The following ZAP70 variants were observed in gnomAD, a reference collection of about 807,000 sequenced individuals.
ZAP70 encodes the protein zeta chain of T cell receptor associated protein kinase 70, also known as tyrosine-protein kinase ZAP-70.
Under a neutral mutation model 65.8 loss-of-function variants are expected in ZAP70, and 27 were observed. That is an observed-to-expected ratio of 0.41 (90% CI 0.30 to 0.57). The LOEUF is 0.57. Ranked by LOEUF, ZAP70 falls within the 20% of genes least tolerant of loss-of-function variation. ZAP70 has a pLI of 0.28. For synonymous variants in ZAP70, 363 were observed against 360.8 expected (o/e 1.01, Z -0.07); for missense variants, 696 against 870.5 (o/e 0.80, Z 2.52).
At chr2:97,724,733 G>T in intron 3 of ZAP70, 3 of 1,507,776 alleles carry the variant, frequency 2.0e-6, no homozygotes, top group Non-Finnish European at 8.9e-7. Context: ...GAATGGGGGC[G>T]GGGCTGAGAG....
chr2:97,743,690 A>G (rs1278389397), downstream of ZAP70, among the ~76,000 whole-genome samples: 1 of 152,156 alleles, frequency 6.6e-6, no homozygotes, highest in Non-Finnish European at 1.5e-5. Flanking sequence ...AGTTTTTAAT[A>G]TATTTATTGC....
chr2:97,734,455 C>T (rs763568575), intron 8 of ZAP70, 65 bp from the exon 9 acceptor site: 9 of 1,530,800 alleles, frequency 5.9e-6, no homozygotes, highest in Non-Finnish European at 7.0e-6. Flanking sequence ...CTTGTGGGGG[C>T]TGAGGCTGCC....
the ZAP70 span, among the ~76,000 whole-genome samples, chr2:97,754,328 G>A: frequency 6.6e-6 from 1 of 152,296 alleles, no homozygotes; most frequent in South Asian, 2.1e-4. Flanking sequence ...TCAGGCGATT[G>A]TTCTGATGAA....
At chr2:97,741,333 C>T (rs562009550), downstream of ZAP70, among the ~76,000 whole-genome samples, 21 of 152,344 alleles carry the variant, frequency 1.4e-4, no homozygotes, top group African/African-American at 4.8e-4. Context: ...GTTTCCAGCG[C>T]CCACGCGGAC....
the ZAP70 span, among the ~76,000 whole-genome samples, chr2:97,752,689 T>C: frequency 6.6e-6 from 1 of 152,280 alleles, no homozygotes; most frequent in Non-Finnish European, 1.5e-5. Flanking sequence ...ATCCAACTTC[T>C]ACAGGCATTT....
intron 2 of ZAP70, among the ~76,000 whole-genome samples, chr2:97,718,005 G>T (rs1209734837): frequency 6.6e-6 from 1 of 152,244 alleles, no homozygotes; most frequent in Non-Finnish European, 1.5e-5. Context: ...TAAGTTCTGG[G>T]AAGGCCAAAC....
At chr2:97,734,890 G>C (rs1375053944) in intron 9 of ZAP70, 178 bp downstream of exon 9, 2 of 889,024 alleles carry the variant, frequency 2.2e-6, no homozygotes, top group Admixed American at 4.6e-5. Context: ...GACACCTGAC[G>C]GGGGTGGGAT....
the ZAP70 span, among the ~76,000 whole-genome samples, chr2:97,752,407 T>C: frequency 6.6e-6 from 1 of 152,258 alleles, no homozygotes; most frequent in Non-Finnish European, 1.5e-5. Context: ...TATCACCTTT[T>C]TTCATGACAT....
chr2:97,733,876 G>A (rs1248194401), intron 8 of ZAP70: 4 of 561,264 alleles, frequency 7.1e-6, no homozygotes, highest in African/African-American at 1.9e-5. Flanking sequence ...GTCACGTTCC[G>A]AGGTCACTGT....
chr2:97,717,714 G>A (rs892660286), intron 2 of ZAP70, among the ~76,000 whole-genome samples: 3 of 152,252 alleles, frequency 2.0e-5, no homozygotes, highest in Non-Finnish European at 4.4e-5. Flanking sequence ...TGGTCTTCTC[G>A]GAGCCTTTAA....
intron 2 of ZAP70, among the ~76,000 whole-genome samples, chr2:97,716,200 C>T (rs1676905695): frequency 6.6e-6 from 1 of 152,176 alleles, no homozygotes; most frequent in African/African-American, 2.4e-5. Context: ...ATGGGCCCCT[C>T]CTCTCCCGCC....
intron 13 of ZAP70, chr2:97,738,632 G>A (rs1474998307): frequency 3.4e-5 from 7 of 204,086 alleles, no homozygotes; most frequent in Non-Finnish European, 7.1e-5. Flanking sequence ...CAGACAACAG[G>A]CAACACACCC....
chr2:97,754,471 T>A, the ZAP70 span, among the ~76,000 whole-genome samples: 1 of 152,114 alleles, frequency 6.6e-6, no homozygotes, highest in Non-Finnish European at 1.5e-5. Context: ...GGTATGATCT[T>A]GGCTCACTGC....
rs1476716578 is a variant in ZAP70, at chr2:97,736,498, A to T, written c.1290-975A>T. Reference sequence around the variant, plus strand: ...TAGCACTTGGGATTCATTAGCGAATAAACAAGGCAGAGATCCATGCTCTGT... The same window carrying T: ...TAGCACTTGGGATTCATTAGCGAATTAACAAGGCAGAGATCCATGCTCTGT... On this transcript the variant is annotated intron_variant, in intron 10 of 13. Coordinates refer to ENST00000264972, the MANE Select transcript of ZAP70 (RefSeq NM_001079.4). This position sits in a 1 kb window ranked among gnomAD's most constrained non-coding sequence, Gnocchi z 4.0. Among the ~76,000 whole-genome samples, 2 of 152,232 alleles carry T rather than the reference A, an allele frequency of 1.3e-5. No homozygotes were observed. Among genetic ancestry groups the T allele is most frequent in the African/African-American group, 2.4e-5 (1 of 41,468 alleles).
rs1464418108 is a variant in ZAP70, at chr2:97,739,540, C to T, written c.*42C>T. On this transcript the variant is annotated 3_prime_UTR_variant, in exon 14 of 14. Coordinates refer to ENST00000264972, the MANE Select transcript of ZAP70 (RefSeq NM_001079.4). ...GGAGCCCTCCACGCCGGCTCTTCCC[C>T]ACCCTCAGCCCCACCCCAGGTCCTG... The T allele has an allele frequency of 2.5e-6, 4 of 1,597,760 alleles. No individual in the cohort carries two copies. The highest frequency in any genetic ancestry group is 3.4e-6 in the Non-Finnish European group (4 of 1,173,050).
intron 8 of ZAP70, chr2:97,733,911 G>A: frequency 2.0e-6 from 1 of 497,848 alleles, no homozygotes. Flanking sequence ...GAACCCTCCT[G>A]ACATGCCTTA....
chr2:97,727,133 A>G (rs556452180), intron 4 of ZAP70, among the ~76,000 whole-genome samples: 2 of 152,254 alleles, frequency 1.3e-5, no homozygotes, highest in Non-Finnish European at 2.9e-5. Flanking sequence ...GTCAGAGAGG[A>G]CAGGGCAAGT....
Position 97,726,201 on chromosome 2 carries a change from T to C in ZAP70, c.563+949T>C, listed in dbSNP as rs142171351. On this transcript the variant is annotated intron_variant, in intron 4 of 13. Coordinates refer to ENST00000264972, the MANE Select transcript of ZAP70 (RefSeq NM_001079.4). ...CGTGTCTGAGCCACAGCTGAGGCCA[T>C]GTAGCTATTTGTGAGTTTGTTAATG... 2.3e-3 allele frequency among the ~76,000 whole-genome samples: 346 copies of C among 152,338 alleles called. 1 individual carries two copies. The highest frequency in any genetic ancestry group is 0.014 in the Middle Eastern group (4 of 294).
the ZAP70 span, among the ~76,000 whole-genome samples, chr2:97,750,389 A>T: frequency 2.5e-4 from 38 of 152,292 alleles, no homozygotes; most frequent in South Asian, 7.9e-3. Flanking sequence ...GGGTCTATGG[A>T]GTCAGGGGTT....
Sources: allele counts gnomAD v4.1 joint callset (sites outside exome capture counted in the v4.1 genomes callset), GRCh38; gene constraint gnomAD v4.1.1; non-coding constraint Gnocchi (gnomAD v3.1); transcripts MANE v1.5; gene names NCBI Gene and HGNC (gene_info 2026-07-23, HGNC 2026-07-21).